PLSCR2: variants seen among roughly 807,000 people sequenced by gnomAD.
The protein encoded by PLSCR2 is phospholipid scramblase 2.
In PLSCR2, 18 loss-of-function variants were observed where a neutral mutation model predicts 25.3. That is an observed-to-expected ratio of 0.71 (90% CI 0.49 to 1.06). PLSCR2 has a LOEUF of 1.06. Among genes scored for constraint, PLSCR2 ranks in the 50% least tolerant of loss-of-function variants. The probability of loss-of-function intolerance (pLI) is 0.00; values close to 1 mark genes in which losing one functional copy is unlikely to be tolerated. For synonymous variants in PLSCR2, 88 were observed against 87.3 expected, an observed-to-expected ratio of 1.01 and a Z score of -0.04; for missense variants, 243 against 269.5, an observed-to-expected ratio of 0.90 and a Z score of 0.69.
At chr3:146,455,931 T>G (rs1025642300) in intron 3 of PLSCR2, among the ~76,000 whole-genome samples, 1 of 152,144 alleles carries the variant, frequency 6.6e-6, no homozygotes, top group African/African-American at 2.4e-5. Context: ...TTGCACTGTT[T>G]GGTGAAAGGC....
chr3:146,480,322 A>G (rs2043084430), intron 1 of PLSCR2, among the ~76,000 whole-genome samples: 1 of 152,168 alleles, frequency 6.6e-6, no homozygotes, highest in South Asian at 2.1e-4. Context: ...AAGATCAACA[A>G]AACTGATAGA....
Position 146,449,279 on chromosome 3 carries a change from TTG to T in PLSCR2, c.570_571del (p.Asp190GlufsTer8), listed in dbSNP as rs2040750026. 6.2e-7 allele frequency: 1 copy of T among 1,612,620 alleles called. No homozygotes were observed. The highest frequency in any genetic ancestry group is 1.3e-5 in the African/African-American group (1 of 74,958). On this transcript the variant is annotated frameshift_variant, in exon 6 of 7. Transcript: ENST00000610787. LOFTEE classifies it high-confidence loss of function. ...GTCTCTAGGGAATTGGATTCCAAAG[TTG>T]TCAGCATCAGTAAATGCCTCTCTTA...
Position 146,476,599 on chromosome 3 carries a change from G to T in PLSCR2, c.-292-16315C>A, listed in dbSNP as rs996489038. ...AAGGACAGCAGCCCTCACTGCAGCT[G>T]CTAGCTGCCTAAGATGCTGAACTAC... On this transcript the variant is annotated intron_variant, in intron 1 of 8. Transcript: ENST00000336685. Among the ~76,000 whole-genome samples, 3 of 152,346 alleles carry T rather than the reference G, an allele frequency of 2.0e-5. No homozygotes were observed. In the East Asian group the frequency reaches 5.8e-4, roughly 29 times the overall value.
chr3:146,445,971 A>T (rs938664942), intron 6 of PLSCR2, among the ~76,000 whole-genome samples: 1 of 151,976 alleles, frequency 6.6e-6, no homozygotes, highest in Non-Finnish European at 1.5e-5. Flanking sequence ...GCATTATTCA[A>T]CTCCAGAATT....
intron 1 of PLSCR2, among the ~76,000 whole-genome samples, chr3:146,493,533 C>T (rs2043628264): frequency 6.6e-6 from 1 of 152,124 alleles, no homozygotes; most frequent in Non-Finnish European, 1.5e-5. Flanking sequence ...ACAAAAACCA[C>T]ATGATCATTT....
At chr3:146,417,168 G>T (rs2039025307) in intron 2 of PLSCR2, among the ~76,000 whole-genome samples, 1 of 152,072 alleles carries the variant, frequency 6.6e-6, no homozygotes. Context: ...TCCTTAGGTT[G>T]CTCAGAATAA....
At chr3:146,466,904 A>T (rs2041896632) in intron 1 of PLSCR2, among the ~76,000 whole-genome samples, 1 of 152,212 alleles carries the variant, frequency 6.6e-6, no homozygotes, top group South Asian at 2.1e-4. Flanking sequence ...TCTTTAAGGT[A>T]TCTTTCTTAC....
chr3:146,482,896 T>TA (rs1295648067), intron 1 of PLSCR2, among the ~76,000 whole-genome samples: 1 of 152,084 alleles, frequency 6.6e-6, no homozygotes, highest in Admixed American at 6.6e-5. Flanking sequence ...TATGCAGCCA[T>TA]AAAAAATGAT....
intron 1 of PLSCR2, among the ~76,000 whole-genome samples, chr3:146,471,873 T>C (rs1436298440): frequency 6.6e-6 from 1 of 152,206 alleles, no homozygotes; most frequent in Non-Finnish European, 1.5e-5. Flanking sequence ...CAAGATACAA[T>C]TCTTTTGCCT....
chr3:146,447,601 C>T (rs1378816466), intron 6 of PLSCR2, among the ~76,000 whole-genome samples: 1 of 152,118 alleles, frequency 6.6e-6, no homozygotes, highest in Non-Finnish European at 1.5e-5. Flanking sequence ...ACTCTCTCCT[C>T]ATGAAGATGG....
At chr3:146,408,983 A>G (rs530506411) in intron 2 of PLSCR2, among the ~76,000 whole-genome samples, 1 of 152,236 alleles carries the variant, frequency 6.6e-6, no homozygotes, top group East Asian at 1.9e-4. Context: ...CTCTTCGGAT[A>G]CATTTCCTCT....
downstream of PLSCR2, among the ~76,000 whole-genome samples, chr3:146,429,657 G>A (rs1576605625): frequency 2.0e-5 from 3 of 151,742 alleles, no homozygotes; most frequent in African/African-American, 7.3e-5. Context: ...ATGGAGTCTC[G>A]CTCTTTCACA....
intron 1 of PLSCR2, among the ~76,000 whole-genome samples, chr3:146,495,373 C>G (rs2043709096): frequency 6.6e-6 from 1 of 152,184 alleles, no homozygotes; most frequent in South Asian, 2.1e-4. Context: ...AACAATGAAG[C>G]ATCAGCAAAG....
chr3:146,450,668 C>T (rs1244720403), intron 5 of PLSCR2, among the ~76,000 whole-genome samples: 3 of 152,176 alleles, frequency 2.0e-5, no homozygotes, highest in African/African-American at 4.8e-5. Context: ...CCAGAGTGAA[C>T]ATATATCATC....
At chr3:146,455,518 A>T in intron 3 of PLSCR2, 59 bp from the exon 4 acceptor site, 2 of 992,938 alleles carry the variant, frequency 2.0e-6, no homozygotes, top group South Asian at 2.7e-5. Context: ...CTATCTTAAG[A>T]TATTATATCT....
downstream of PLSCR2, among the ~76,000 whole-genome samples, chr3:146,439,095 T>C (rs1043232132): frequency 5.3e-5 from 8 of 152,230 alleles, no homozygotes; most frequent in Non-Finnish European, 1.0e-4. Flanking sequence ...GAATGTTGAA[T>C]ATTGGCCCCC....
chr3:146,431,307 A>G (rs141399796), downstream of PLSCR2, among the ~76,000 whole-genome samples: 1 of 152,270 alleles, frequency 6.6e-6, no homozygotes, highest in Non-Finnish European at 1.5e-5. Context: ...AAATCATTAG[A>G]TCTGTCTTCT....
chr3:146,461,982 A>C, upstream of PLSCR2: 1 of 1,100,864 alleles, frequency 9.1e-7, no homozygotes, highest in Non-Finnish European at 1.3e-6. Flanking sequence ...ACAAAGAACA[A>C]GTCAACAACA....
At chr3:146,428,825 TG>T (rs1410863850), downstream of PLSCR2, among the ~76,000 whole-genome samples, 5 of 152,230 alleles carry the variant, frequency 3.3e-5, no homozygotes, top group Non-Finnish European at 2.9e-5. Flanking sequence ...ATATTCATCA[TG>T]GGGTTCAGAA....
Sources: gnomAD v4.1 joint callset for allele counts (sites outside exome capture counted in the v4.1 genomes callset) on GRCh38, gnomAD v4.1.1 for gene constraint, MANE v1.5 for transcripts, NCBI Gene and HGNC (gene_info 2026-07-23, HGNC 2026-07-21) for gene names.